MSTO1: variants seen among roughly 807,000 people sequenced by gnomAD.
MSTO1 encodes protein misato homolog 1.
A neutral mutation model predicts 55.7 loss-of-function variants in MSTO1; 24 were observed. That is an observed-to-expected ratio of 0.43 (90% confidence interval 0.31 to 0.61). MSTO1 has a LOEUF of 0.61. Ranked by LOEUF, MSTO1 falls within the 20% of genes least tolerant of loss-of-function variation. The pLI is 0.09. For synonymous variants in MSTO1, 162 were observed against 252.8 expected (o/e 0.64, Z 3.41); for missense variants, 363 against 625.7 (o/e 0.58, Z 4.48).
the MSTO1 span, among the ~76,000 whole-genome samples, chr1:155,589,317 C>A: frequency 6.6e-6 from 1 of 151,778 alleles, no homozygotes; most frequent in Non-Finnish European, 1.5e-5. Context: ...AAAATTTACT[C>A]TTTCTTAATA....
the MSTO1 span, among the ~76,000 whole-genome samples, chr1:155,568,899 T>G: frequency 6.6e-6 from 1 of 150,688 alleles, no homozygotes; most frequent in Non-Finnish European, 1.5e-5. Context: ...TTGCCCAGGC[T>G]AGAATGCAGT....
intron 11 of MSTO1, 46 bp from the exon 12 acceptor site, chr1:155,613,416 T>C (rs1300040455): frequency 3.2e-5 from 52 of 1,611,752 alleles, no homozygotes; most frequent in Non-Finnish European, 4.2e-5. Flanking sequence ...CTGTTTCTTA[T>C]TCATGCAGCC....
In MSTO1 at chr1:155,614,658, A is replaced by G; in HGVS notation, c.*385A>G. 1 of 1,486,164 alleles carries G rather than the reference A, an allele frequency of 6.7e-7. No homozygotes were observed. Among genetic ancestry groups the G allele is most frequent in the Non-Finnish European group, 9.4e-7 (1 of 1,065,546 alleles). The allele number at this position is 1,486,164 out of a possible 1,614,324, so 92.1% of individuals were successfully genotyped here. ...AGGACTGTACAAGCAGAGTACAACT[A>G]CCCGCCTCCCCGGTGCCAGGGCGCC... On this transcript the variant is annotated 3_prime_UTR_variant, in exon 14 of 14. Coordinates refer to ENST00000245564, the MANE Select transcript of MSTO1 (RefSeq NM_018116.4).
chr1:155,586,784 G>A, the MSTO1 span: 1 of 411,110 alleles, frequency 2.4e-6, no homozygotes, highest in South Asian at 1.9e-5. Flanking sequence ...GTCTTGCTCT[G>A]TCACCCTGGC....
chr1:155,578,339 T>TTTTTTTTTTTC, the MSTO1 span, among the ~76,000 whole-genome samples: 1 of 85,526 alleles, frequency 1.2e-5, no homozygotes, highest in Non-Finnish European at 2.3e-5. Flanking sequence ...TACCTTTCTT[T>TTTTTTTTTTTC]TTTTTTTTTT....
chr1:155,602,628 T>C, the MSTO1 span, among the ~76,000 whole-genome samples: 1 of 152,180 alleles, frequency 6.6e-6, no homozygotes, highest in Non-Finnish European at 1.5e-5. Context: ...GGAGAACTGA[T>C]ACTGGAGTTG....
chr1:155,589,235 T>A, the MSTO1 span, among the ~76,000 whole-genome samples: 3 of 151,732 alleles, frequency 2.0e-5, no homozygotes, highest in Non-Finnish European at 4.4e-5. Flanking sequence ...GAGGTGGAGG[T>A]TGCAGTGAGC....
chr1:155,591,343 G>T, the MSTO1 span: 4 of 1,098,984 alleles, frequency 3.6e-6, no homozygotes, highest in African/African-American at 3.1e-5. Context: ...AACCATCACG[G>T]TGATCTTCTA....
the MSTO1 span, among the ~76,000 whole-genome samples, chr1:155,584,283 C>T: frequency 6.6e-6 from 1 of 152,006 alleles, no homozygotes; most frequent in Non-Finnish European, 1.5e-5. Context: ...CGCTTGAATA[C>T]GGGAGGTTGA....
At chr1:155,570,664 AT>A in the MSTO1 span, among the ~76,000 whole-genome samples, 1 of 152,152 alleles carries the variant, frequency 6.6e-6, no homozygotes, top group Non-Finnish European at 1.5e-5. Context: ...TTTGTATGGT[AT>A]ATTGTTCCGT....
At chr1:155,606,400 T>G (rs1672936214), upstream of MSTO1, among the ~76,000 whole-genome samples, 1 of 151,006 alleles carries the variant, frequency 6.6e-6, no homozygotes, top group South Asian at 2.1e-4. Context: ...TTCTTCTTCT[T>G]TCTTTTTCTT....
At chr1:155,563,414 A>T in the MSTO1 span, 1 of 456,702 alleles carries the variant, frequency 2.2e-6, no homozygotes, top group Non-Finnish European at 4.4e-6. Flanking sequence ...GAGTGAGGCC[A>T]GTAGGACCGG....
At chr1:155,592,559 CT>C in the MSTO1 span, among the ~76,000 whole-genome samples, 152 of 146,878 alleles carry the variant, frequency 1.0e-3, no homozygotes, top group Middle Eastern at 0.025. Context: ...TTGACAGTTA[CT>C]TTTTTTTTTT....
the MSTO1 span, among the ~76,000 whole-genome samples, chr1:155,600,764 C>T: frequency 6.6e-6 from 1 of 152,102 alleles, no homozygotes; most frequent in African/African-American, 2.4e-5. Context: ...GCAAGCTCCG[C>T]CTCCCAGGTT....
chr1:155,573,640 C>G, the MSTO1 span, among the ~76,000 whole-genome samples: 2 of 151,720 alleles, frequency 1.3e-5, no homozygotes, highest in Admixed American at 6.6e-5. Context: ...GAGTTTGAGA[C>G]CAGCCTGGCC....
At chr1:155,586,660 C>T in the MSTO1 span, 1 of 514,098 alleles carries the variant, frequency 1.9e-6, no homozygotes. Context: ...AGTACAAGGA[C>T]AATGCTGAAA....
At chr1:155,580,081 GAA>G in the MSTO1 span, among the ~76,000 whole-genome samples, 15 of 82,696 alleles carry the variant, frequency 1.8e-4, no homozygotes, top group Admixed American at 1.4e-3. Flanking sequence ...ATCTCAAAAA[GAA>G]AAAAAAAAAA....
the MSTO1 span, among the ~76,000 whole-genome samples, chr1:155,586,163 A>T: frequency 6.8e-6 from 1 of 147,518 alleles, no homozygotes; most frequent in Non-Finnish European, 1.5e-5. Flanking sequence ...TCTATTTCTC[A>T]GTGTACATGT....
chr1:155,587,745 G>GAAAA, the MSTO1 span, among the ~76,000 whole-genome samples: 1 of 47,414 alleles, frequency 2.1e-5, no homozygotes, highest in Non-Finnish European at 4.3e-5. Flanking sequence ...CTCCGTCTCA[G>GAAAA]AAAAAAAAAA....
Sources: allele counts gnomAD v4.1 joint callset (sites outside exome capture counted in the v4.1 genomes callset), GRCh38; gene constraint gnomAD v4.1.1; transcripts MANE v1.5; gene names NCBI Gene and HGNC (gene_info 2026-07-23, HGNC 2026-07-21).